Variants in NEURL1 observed in about 807,000 individuals in gnomAD.
NEURL1 encodes the protein neuralized E3 ubiquitin protein ligase 1, also known as E3 ubiquitin-protein ligase NEURL1.
A neutral mutation model predicts 41.2 loss-of-function variants in NEURL1; 26 were observed. That is an observed-to-expected ratio of 0.63 (90% CI 0.46 to 0.87). The LOEUF is 0.87. Ranked by LOEUF, NEURL1 falls within the 40% of genes least tolerant of loss-of-function variation. The pLI is 0.00. For missense variants in NEURL1, 761 were observed against 871.1 expected (o/e 0.87, Z 1.59); for synonymous variants, 400 against 402.3 (o/e 0.99, Z 0.07).
At chr10:103,553,122 C>G (rs2035068798) in intron 1 of NEURL1, among the ~76,000 whole-genome samples, 1 of 152,158 alleles carries the variant, frequency 6.6e-6, no homozygotes, top group Non-Finnish European at 1.5e-5. Context: ...TGGAGGGTGA[C>G]TCTGCTGCTA....
In NEURL1 at chr10:103,493,925, A is replaced by G. The variant is rs1239586917; in HGVS notation, c.-463A>G. On this transcript the variant is annotated 5_prime_UTR_variant, in exon 1 of 6. Transcript: ENST00000369780. The stretch of plus-strand genomic sequence containing the variant: ...CCGCGGGCGGGAGGGAGCCACGCAC[A>G]TCGCCGCCGCGGCCGTCTCCGCGGG... 6.6e-6 allele frequency: 1 copy of G among 152,602 alleles called. No individual in the cohort carries two copies. The highest frequency in any genetic ancestry group is 1.9e-4 in the East Asian group (1 of 5,170). The allele number at this position is 152,602 out of a possible 1,614,324, so 9.5% of individuals were successfully genotyped here. A position where few individuals can be genotyped will look rare whatever the true frequency, so the allele number is the denominator to read the frequency against.
At chr10:103,530,582 C>A (rs2034549796) in intron 1 of NEURL1, among the ~76,000 whole-genome samples, 1 of 151,160 alleles carries the variant, frequency 6.6e-6, no homozygotes, top group Non-Finnish European at 1.5e-5. Flanking sequence ...TCTCTGTCAC[C>A]CAGGCTGGAG....
chr10:103,510,235 C>T (rs2034039499), intron 1 of NEURL1, among the ~76,000 whole-genome samples: 1 of 152,196 alleles, frequency 6.6e-6, no homozygotes, highest in South Asian at 2.1e-4. Context: ...TTTGGCCGGA[C>T]AGTGATGTTG....
At chr10:103,552,370 C>T (rs2035049166) in intron 1 of NEURL1, among the ~76,000 whole-genome samples, 1 of 152,190 alleles carries the variant, frequency 6.6e-6, no homozygotes. Flanking sequence ...CCTGAGGCTC[C>T]TCCTGCTCAC....
At chr10:103,535,618 A>G (rs1287339559) in intron 1 of NEURL1, among the ~76,000 whole-genome samples, 1 of 152,132 alleles carries the variant, frequency 6.6e-6, no homozygotes, top group Non-Finnish European at 1.5e-5. Context: ...CACTCCTTCA[A>G]CTTAGGCACC....
intron 4 of NEURL1, among the ~76,000 whole-genome samples, chr10:103,585,631 A>C (rs369925941): frequency 6.6e-6 from 1 of 152,088 alleles, no homozygotes; most frequent in Non-Finnish European, 1.5e-5. Flanking sequence ...TCAGGAGATC[A>C]AGACCATCCT....
chr10:103,531,386 T>G (rs879274989), intron 1 of NEURL1, among the ~76,000 whole-genome samples: 11 of 152,168 alleles, frequency 7.2e-5, no homozygotes, highest in Non-Finnish European at 1.5e-4. Context: ...GGGTTCTGTC[T>G]CTACTTTTTG....
chr10:103,528,376 A>C (rs2034504054), intron 1 of NEURL1, among the ~76,000 whole-genome samples: 1 of 151,876 alleles, frequency 6.6e-6, no homozygotes, highest in South Asian at 2.1e-4. Context: ...AAGAAAAAAA[A>C]ATACAAAAAT....
At chr10:103,561,821 C>T (rs2035299505) in intron 1 of NEURL1, among the ~76,000 whole-genome samples, 1 of 152,322 alleles carries the variant, frequency 6.6e-6, no homozygotes, top group East Asian at 1.9e-4. Context: ...TTCTTTTCTA[C>T]TGCTGGCAAG....
In NEURL1 at chr10:103,499,698, G is replaced by T. The variant is rs535060775; in HGVS notation, c.85+5226G>T. 5.9e-5 allele frequency among the ~76,000 whole-genome samples: 9 copies of T among 152,046 alleles called. No individual in the cohort carries two copies. The East Asian group carries it at 1.2e-3, about 20-fold the overall frequency. On this transcript the variant is annotated intron_variant, in intron 1 of 5. Transcript: ENST00000369780. Reference sequence around the variant, plus strand: ...TGCCCAGGATGGTCTGGAACTCCTGGACTCAAGCAGACCTCCTGCCTTGGC... The same window carrying T: ...TGCCCAGGATGGTCTGGAACTCCTGTACTCAAGCAGACCTCCTGCCTTGGC...
rs914725404 is a variant in NEURL1, at chr10:103,590,636, C to G, written c.*264C>G. ...TCTCCCGTCTCTGCACCCAGCTCCT[C>G]TCTGCATGCTGAGGGCTAAATTGGG... On this transcript the variant is annotated 3_prime_UTR_variant, in exon 6 of 6. Coordinates refer to ENST00000369780, the MANE Select transcript of NEURL1 (RefSeq NM_004210.5). 1.9e-5 allele frequency: 10 copies of G among 520,132 alleles called. No homozygotes were observed. In the South Asian group the frequency reaches 2.3e-4, roughly 12 times the overall value. 32.2% of individuals were successfully genotyped at this position (520,132 alleles called of 1,614,324 possible).
At chr10:103,525,403 G>A (rs139183109) in intron 1 of NEURL1, among the ~76,000 whole-genome samples, 1,584 of 149,656 alleles carry the variant, frequency 0.011, 25 homozygotes, top group African/African-American at 0.036. Flanking sequence ...GCCCAGGCTG[G>A]AGTGCAGTGG....
intron 1 of NEURL1, among the ~76,000 whole-genome samples, chr10:103,563,910 TGGGGGCATA>T (rs2035361988): frequency 6.6e-6 from 1 of 152,144 alleles, no homozygotes; most frequent in African/African-American, 2.4e-5. Context: ...AGAGTGGCAT[TGGGGGCATA>T]AATCAAGACA....
chr10:103,536,560 C>T (rs1448681047), intron 1 of NEURL1, among the ~76,000 whole-genome samples: 1 of 148,794 alleles, frequency 6.7e-6, no homozygotes, highest in Non-Finnish European at 1.5e-5. Flanking sequence ...CTCTCTCTAC[C>T]TATCTATCTA....
chr10:103,562,885 G>A (rs2035334073), intron 1 of NEURL1, among the ~76,000 whole-genome samples: 1 of 152,228 alleles, frequency 6.6e-6, no homozygotes, highest in East Asian at 1.9e-4. Flanking sequence ...TGTGGGAGGT[G>A]GAGGCCCCTT....
chr10:103,550,286 G>GTAGTA (rs2035007536), intron 1 of NEURL1, among the ~76,000 whole-genome samples: 1 of 152,168 alleles, frequency 6.6e-6, no homozygotes, highest in Non-Finnish European at 1.5e-5. Flanking sequence ...GACAGGAGAT[G>GTAGTA]GCAGGGAAAA....
chr10:103,502,678 T>C (rs1354310069), intron 1 of NEURL1, among the ~76,000 whole-genome samples: 1 of 152,128 alleles, frequency 6.6e-6, no homozygotes, highest in African/African-American at 2.4e-5. Context: ...ACTTCCAAGG[T>C]GTGCACAGTG....
rs3781371 is a variant in NEURL1, at chr10:103,574,857, C to T, written c.649+3035C>T. Among the ~76,000 whole-genome samples, 36 of 152,290 alleles carry T rather than the reference C, an allele frequency of 2.4e-4. No homozygotes were observed. In the East Asian group the frequency reaches 6.4e-3, roughly 27 times the overall value. On this transcript the variant is annotated intron_variant, in intron 3 of 5. Transcript: ENST00000369780. ...CCTGACAGGCTCCTCTCTGCACACCCGATAAGGCTAAGGCCCCAGCGGATT... is the reference window on the plus strand; with the variant it reads ...CCTGACAGGCTCCTCTCTGCACACCTGATAAGGCTAAGGCCCCAGCGGATT...
At chr10:103,576,558 C>T (rs575787539) in intron 3 of NEURL1, among the ~76,000 whole-genome samples, 1 of 152,086 alleles carries the variant, frequency 6.6e-6, no homozygotes, top group Non-Finnish European at 1.5e-5. Flanking sequence ...AAGTATGAGA[C>T]CCAGAGATGG....
Sources: gnomAD v4.1 joint callset for allele counts (sites outside exome capture counted in the v4.1 genomes callset) on GRCh38, gnomAD v4.1.1 for gene constraint, MANE v1.5 for transcripts, NCBI Gene and HGNC (gene_info 2026-07-23, HGNC 2026-07-21) for gene names.